The following NLGN1 variants were observed in gnomAD, a reference collection of about 807,000 sequenced individuals.
NLGN1 encodes neuroligin 1, also known as neuroligin-1.
Under a neutral mutation model 65.5 loss-of-function variants are expected in NLGN1, and 12 were observed. The observed-to-expected ratio is 0.18, with a 90% CI of 0.12 to 0.30. The LOEUF (loss-of-function observed/expected upper bound fraction) is 0.30, where lower values mean the gene tolerates loss of function less well. Ranked by LOEUF, NLGN1 falls within the 10% of genes least tolerant of loss-of-function variation. The pLI is 1.00. For synonymous variants in NLGN1, 350 were observed against 359.5 expected, an observed-to-expected ratio of 0.97 and a Z score of 0.30; for missense variants, 750 against 1,007.1, an observed-to-expected ratio of 0.74 and a Z score of 3.46.
At chr3:173,899,292 T>C (rs1480434897) in intron 4 of NLGN1, among the ~76,000 whole-genome samples, 1 of 152,148 alleles carries the variant, frequency 6.6e-6, no homozygotes, top group East Asian at 1.9e-4. Context: ...AATTAACACA[T>C]TGAAAGTTTT....
intron 4 of NLGN1, among the ~76,000 whole-genome samples, chr3:174,107,252 T>G (rs1714145769): frequency 6.6e-6 from 1 of 152,128 alleles, no homozygotes; most frequent in South Asian, 2.1e-4. Context: ...TCTCTCATGT[T>G]GCCCTTTTGT....
intron 2 of NLGN1, among the ~76,000 whole-genome samples, chr3:173,543,891 TG>T (rs778180527): frequency 6.6e-5 from 10 of 152,130 alleles, no homozygotes; most frequent in Non-Finnish European, 1.5e-4. Flanking sequence ...GAAACATAGG[TG>T]AATGACAGTA....
rs528810166 is a variant in NLGN1 at position 173,923,755 on chromosome 3, TA to T, written c.646+115928del. 1.4e-3 allele frequency among the ~76,000 whole-genome samples: 207 copies of T among 152,242 alleles called. 2 individuals are homozygous for T. The Middle Eastern group carries it at 0.017, about 13-fold the overall frequency. On this transcript the variant is annotated intron_variant, in intron 4 of 6. Coordinates refer to ENST00000457714, the Ensembl canonical transcript of NLGN1. Reference sequence around the variant, plus strand: ...TGTATTTAGAAAAAGAATGGCTGAGTAAAAACTCCTTTTACAAGTCAGTTAA... The same window carrying T: ...TGTATTTAGAAAAAGAATGGCTGAGTAAAACTCCTTTTACAAGTCAGTTAA...
intron 3 of NLGN1, among the ~76,000 whole-genome samples, chr3:173,758,524 T>C (rs1777469129): frequency 6.6e-6 from 1 of 152,052 alleles, no homozygotes; most frequent in African/African-American, 2.4e-5. Flanking sequence ...TGCTAATATA[T>C]TATCTACAGT....
At chr3:173,511,658 G>T (rs1316934535) in intron 2 of NLGN1, among the ~76,000 whole-genome samples, 1 of 151,900 alleles carries the variant, frequency 6.6e-6, no homozygotes, top group Admixed American at 6.6e-5. Flanking sequence ...TTTGTTGTGG[G>T]TTTTTTCAGT....
intron 3 of NLGN1, among the ~76,000 whole-genome samples, chr3:173,767,785 C>T (rs1778994728): frequency 6.6e-6 from 1 of 151,858 alleles, no homozygotes; most frequent in Non-Finnish European, 1.5e-5. Context: ...TTATAATTTT[C>T]TTCAACATAA....
At chr3:174,021,929 C>T (rs532045502) in intron 4 of NLGN1, among the ~76,000 whole-genome samples, 1 of 152,258 alleles carries the variant, frequency 6.6e-6, no homozygotes, top group African/African-American at 2.4e-5. Flanking sequence ...CTTTCAAGAG[C>T]AAGGTCTGCA....
chr3:173,822,341 C>T (rs1038642), intron 4 of NLGN1, among the ~76,000 whole-genome samples: 97,374 of 151,884 alleles, frequency 0.64, 32,458 homozygotes, highest in Non-Finnish European at 0.74. Context: ...CCAAAAGACC[C>T]AGCAGGGGTG....
rs548997604 is a variant in NLGN1 at position 173,601,810 on chromosome 3, TA to T, written c.-320-2468del. 3.1e-3 allele frequency among the ~76,000 whole-genome samples: 475 copies of T among 152,114 alleles called. 2 individuals are homozygous for T. Among genetic ancestry groups the T allele is most frequent in the African/African-American group, 0.011 (457 of 41,540 alleles). On this transcript the variant is annotated intron_variant, in intron 2 of 6. Coordinates refer to ENST00000457714, the Ensembl canonical transcript of NLGN1. ...AAAACTGGTAAAATATGTATAAAAA[TA>T]TATAGCAAAATAAAATATTAACTTC...
At chr3:173,616,849 T>C (rs1753178184) in intron 3 of NLGN1, among the ~76,000 whole-genome samples, 1 of 152,204 alleles carries the variant, frequency 6.6e-6, no homozygotes, top group African/African-American at 2.4e-5. Flanking sequence ...AATCAAATTA[T>C]ATCACCTCTT....
At chr3:173,435,519 C>A (rs538883558) in intron 2 of NLGN1, among the ~76,000 whole-genome samples, 12 of 152,052 alleles carry the variant, frequency 7.9e-5, no homozygotes, top group African/African-American at 2.9e-4. Flanking sequence ...TTTATAATCA[C>A]TTCAATAAAG....
At chr3:173,859,425 T>A (rs1179193576) in intron 4 of NLGN1, among the ~76,000 whole-genome samples, 1 of 152,110 alleles carries the variant, frequency 6.6e-6, no homozygotes, top group African/African-American at 2.4e-5. Flanking sequence ...TTATTCTGTT[T>A]GTCCATACCA....
chr3:174,133,367 G>A (rs745361707), intron 4 of NLGN1, among the ~76,000 whole-genome samples: 1 of 152,118 alleles, frequency 6.6e-6, no homozygotes, highest in Non-Finnish European at 1.5e-5. Context: ...TCATCTTTCA[G>A]AAAAAACTCC....
intron 4 of NLGN1, among the ~76,000 whole-genome samples, chr3:174,141,392 T>G (rs1475089014): frequency 6.6e-6 from 1 of 150,858 alleles, no homozygotes; most frequent in African/African-American, 2.5e-5. Context: ...AAATGTCTCA[T>G]GTGAAGAAGA....
chr3:173,526,302 A>G (rs1247271865), intron 2 of NLGN1, among the ~76,000 whole-genome samples: 1 of 151,640 alleles, frequency 6.6e-6, no homozygotes, highest in Non-Finnish European at 1.5e-5. Flanking sequence ...TGAGTGCTGT[A>G]TCATTATATA....
At chr3:173,909,982 C>A (rs2152218032) in intron 4 of NLGN1, among the ~76,000 whole-genome samples, 1 of 152,294 alleles carries the variant, frequency 6.6e-6, no homozygotes, top group Middle Eastern at 3.4e-3. Context: ...CCAGCCTCCA[C>A]AACATTTCTT....
At chr3:173,838,313 G>T (rs998485760) in intron 4 of NLGN1, among the ~76,000 whole-genome samples, 3 of 151,880 alleles carry the variant, frequency 2.0e-5, no homozygotes, top group African/African-American at 7.3e-5. Flanking sequence ...TTATAAAATA[G>T]ATATGATAAC....
chr3:173,606,531 T>C (rs1247850536), intron 3 of NLGN1, among the ~76,000 whole-genome samples: 1 of 152,094 alleles, frequency 6.6e-6, no homozygotes, highest in Non-Finnish European at 1.5e-5. Context: ...TATCTCTCTA[T>C]GCACTTCTAA....
intron 4 of NLGN1, among the ~76,000 whole-genome samples, chr3:173,852,007 A>C (rs1727025234): frequency 1.3e-5 from 2 of 152,012 alleles, no homozygotes. Flanking sequence ...CTTAAAACAT[A>C]CAATTTGAGG....
Sources: gnomAD v4.1 joint callset for allele counts (sites outside exome capture counted in the v4.1 genomes callset) on GRCh38, gnomAD v4.1.1 for gene constraint, MANE v1.5 for transcripts, NCBI Gene and HGNC (gene_info 2026-07-23, HGNC 2026-07-21) for gene names.